The following SBNO2 variants were observed in gnomAD, a reference collection of about 807,000 sequenced individuals.
SBNO2 encodes the protein protein strawberry notch homolog 2.
In SBNO2, 89 loss-of-function variants were observed where a neutral mutation model predicts 146.3. The ratio of observed to expected loss-of-function variants is 0.61; its 90% CI spans 0.51 to 0.73. The LOEUF (loss-of-function observed/expected upper bound fraction) is 0.73. Among genes scored for constraint, SBNO2 ranks in the 30% least tolerant of loss-of-function variants. The pLI, the probability that SBNO2 is intolerant of heterozygous loss-of-function variation, is 0.00. For missense variants in SBNO2, 2,092 were observed against 2,003.7 expected (o/e 1.04, Z -0.84); for synonymous variants, 1,147 against 892.6 (o/e 1.29, Z -5.08).
intron 11 of SBNO2, among the ~76,000 whole-genome samples, chr19:1,121,655 G>A (rs1319757365): frequency 2.0e-5 from 3 of 152,164 alleles, no homozygotes; most frequent in South Asian, 2.1e-4. Context: ...GCAGCCTGCC[G>A]ACGAGAGCCC....
Position 1,157,300 on chromosome 19 carries a change from G to T in SBNO2, c.-126-2898C>A, listed in dbSNP as rs1161935436. Among the ~76,000 whole-genome samples the T allele has an allele frequency of 1.3e-5, 2 of 151,734 alleles. No individual in the cohort carries two copies. The highest frequency in any genetic ancestry group is 4.8e-5 in the African/African-American group (2 of 41,344). On this transcript the variant is annotated intron_variant, in intron 1 of 31. Coordinates refer to ENST00000361757, the MANE Select transcript of SBNO2 (RefSeq NM_014963.3). The surrounding 1 kb of genome is among the most constrained non-coding windows in gnomAD (Gnocchi z 6.8). ...GTGGGACACTGGGTGGGGTCTTGGG[G>T]CCTGAGAACACCCCAACGCAGCCTC...
intron 4 of SBNO2, among the ~76,000 whole-genome samples, chr19:1,135,041 G>C (rs2080072874): frequency 9.6e-6 from 1 of 104,710 alleles, no homozygotes; most frequent in Non-Finnish European, 1.7e-5. Context: ...GCAAGACTCT[G>C]TCTCAAAAAA....
intron 17 of SBNO2, 197 bp downstream of exon 17, chr19:1,115,824 C>A: frequency 1.6e-6 from 1 of 610,332 alleles, no homozygotes; most frequent in Non-Finnish European, 3.0e-6. Flanking sequence ...GTTGCTTCCT[C>A]TTCCCTAAGC....
At chr19:1,119,718 C>G (rs1034506354) in intron 12 of SBNO2, 97 bp from the exon 13 acceptor site, 11 of 1,140,470 alleles carry the variant, frequency 9.6e-6, no homozygotes, top group South Asian at 8.2e-5. Flanking sequence ...AGGGGCCCTG[C>G]GGGGTTGGAG....
intron 5 of SBNO2, 60 bp downstream of exon 5, chr19:1,127,544 C>T (rs766397959): frequency 2.6e-6 from 4 of 1,540,146 alleles, no homozygotes; most frequent in Non-Finnish European, 3.6e-6. Context: ...CGTGTGGGTC[C>T]CGGGCTGGGG....
At chr19:1,111,324 C>T (rs2079756659) in intron 24 of SBNO2, among the ~76,000 whole-genome samples, 182 bp downstream of exon 24, 1 of 152,178 alleles carries the variant, frequency 6.6e-6, no homozygotes, top group African/African-American at 2.4e-5. Context: ...CCTGGAAACC[C>T]ACCCGGCAGC....
At position 1,109,146 on chromosome 19, in the gene SBNO2, G is replaced by T. The variant is rs2079718416; in HGVS notation, c.3414C>A (p.Ser1138Arg). The T allele has an allele frequency of 1.3e-6, 2 of 1,553,672 alleles. No homozygotes were observed. The highest frequency in any genetic ancestry group is 1.7e-6 in the Non-Finnish European group (2 of 1,149,248). The change falls in exon 30 of 32, where the codon AGC becomes AGA. Residue 1138 changes from serine to arginine, a missense_variant. Coordinates refer to ENST00000361757, the MANE Select transcript of SBNO2 (RefSeq NM_014963.3). The surrounding 1 kb of genome is among the most constrained non-coding windows in gnomAD (Gnocchi z 4.2). ...SGYALSLTHC[S>R]HSAWNRHCRL... ...CGGCCCGCCCTCACCAGGCGCTGTG[G>T]CTGCAGTGCGTCAGCGACAAAGCGT...
intron 3 of SBNO2, 76 bp downstream of exon 3, chr19:1,149,293 C>T (rs1323143528): frequency 2.1e-6 from 3 of 1,401,958 alleles, no homozygotes; most frequent in East Asian, 2.5e-5. Context: ...GCGCCCTGCA[C>T]CCAGAACTCC....
intron 5 of SBNO2, among the ~76,000 whole-genome samples, chr19:1,127,327 G>A (rs1599845215): frequency 1.3e-5 from 2 of 152,320 alleles, no homozygotes; most frequent in South Asian, 2.1e-4. Context: ...ACTGCAGGGC[G>A]CTGGGCAGCA....
At chr19:1,123,149 G>A (rs1356582778) in intron 7 of SBNO2, 104 bp from the exon 8 acceptor site, 32 of 1,322,414 alleles carry the variant, frequency 2.4e-5, no homozygotes, top group Non-Finnish European at 1.2e-5. Flanking sequence ...AGAGCTGGCG[G>A]GGCAGTTTGG....
chr19:1,160,948 C>A (rs1483580379), intron 1 of SBNO2, among the ~76,000 whole-genome samples: 1 of 150,776 alleles, frequency 6.6e-6, no homozygotes, highest in Non-Finnish European at 1.5e-5. Flanking sequence ...GACGGCCCCT[C>A]CCAGGGTGGG....
intron 11 of SBNO2, among the ~76,000 whole-genome samples, chr19:1,121,149 A>G (rs1323375963): frequency 6.6e-6 from 1 of 152,162 alleles, no homozygotes; most frequent in Non-Finnish European, 1.5e-5. Context: ...TCGGCCTCCC[A>G]AAGTGCTGGG....
At chr19:1,138,860 TGGGGCCC>T (rs1489447854) in intron 4 of SBNO2, among the ~76,000 whole-genome samples, 1 of 147,340 alleles carries the variant, frequency 6.8e-6, no homozygotes, top group East Asian at 2.0e-4. Context: ...ACAGACACAG[TGGGGCCC>T]TCCATGCGTC....
chr19:1,114,454 G>T, intron 17 of SBNO2, 32 bp from the exon 18 acceptor site: 2 of 1,481,378 alleles, frequency 1.4e-6, no homozygotes, highest in South Asian at 1.3e-5. Context: ...CCGAGGGCCA[G>T]ACCGCAGCAA....
In SBNO2 at chr19:1,108,691, G is replaced by T; in HGVS notation, c.3630C>A (p.Pro1210=). The change falls in exon 32 of 32, where the codon CCC becomes CCA. Residue 1210 remains proline, a synonymous_variant. Coordinates refer to ENST00000361757, the MANE Select transcript of SBNO2 (RefSeq NM_014963.3). Reference sequence around the variant, plus strand: ...GCAGCACCCGGCGCACGCAGCCCTCGGGGATCTTGATGCCTGCGGGCAGAG... The same window carrying T: ...GCAGCACCCGGCGCACGCAGCCCTCTGGGATCTTGATGCCTGCGGGCAGAG... ...DRKKQVGIKI[P]EGCVRRVLQE... is the part of the protein sequence containing the mutation. 1 of 1,545,290 alleles carries T rather than the reference G, an allele frequency of 6.5e-7. No individual in the cohort carries two copies. Among genetic ancestry groups the T allele is most frequent in the East Asian group, 2.4e-5 (1 of 41,270 alleles).
In SBNO2 at chr19:1,140,065, T is replaced by C. The variant is rs1210770644; in HGVS notation, c.279+7244A>G. ...CTGTAATCCCAATGCTTTGGGAGGC[T>C]GAGGTGGGTGGATCACAAGGTCAGG... On this transcript the variant is annotated intron_variant, in intron 4 of 31. Transcript: ENST00000361757. This position sits in a 1 kb window ranked among gnomAD's most constrained non-coding sequence, Gnocchi z 4.4. Among the ~76,000 whole-genome samples the C allele has an allele frequency of 1.3e-5, 2 of 151,992 alleles. No individual in the cohort carries two copies. The highest frequency in any genetic ancestry group is 2.9e-5 in the Non-Finnish European group (2 of 67,968).
rs375725729 is a variant in SBNO2, at chr19:1,108,186, C to G, written c.*34G>C. 3.7e-4 allele frequency: 558 copies of G among 1,510,174 alleles called. No homozygotes were observed. In the African/African-American group the frequency reaches 7.2e-3, roughly 19 times the overall value. 93.5% of individuals were successfully genotyped at this position (1,510,174 alleles called of 1,614,324 possible). On this transcript the variant is annotated 3_prime_UTR_variant, in exon 32 of 32. Transcript: ENST00000361757. The stretch of plus-strand genomic sequence containing the variant: ...GCTGCTCCTAGGGGAGAAACGGTCC[C>G]TGTGTCTTGGGGCATGTTTCGCCTA...
chr19:1,169,837 T>TAA (rs1020650751), intron 1 of SBNO2, among the ~76,000 whole-genome samples: 1 of 152,076 alleles, frequency 6.6e-6, no homozygotes, highest in Non-Finnish European at 1.5e-5. Flanking sequence ...ACTCAACGGT[T>TAA]TCAACGTATT....
chr19:1,163,624 G>C (rs1230565030), intron 1 of SBNO2, among the ~76,000 whole-genome samples: 2 of 152,230 alleles, frequency 1.3e-5, no homozygotes, highest in Admixed American at 6.5e-5. Context: ...GACCGCAGTG[G>C]CTCCAGGCTG....
Sources: gnomAD v4.1 joint callset for allele counts (sites outside exome capture counted in the v4.1 genomes callset) on GRCh38, gnomAD v4.1.1 for gene constraint, Gnocchi (gnomAD v3.1) non-coding constraint, MANE v1.5 for transcripts, NCBI Gene and HGNC (gene_info 2026-07-23, HGNC 2026-07-21) for gene names.